Variants in SH3RF1 observed in about 807,000 individuals in gnomAD.
SH3RF1 encodes E3 ubiquitin-protein ligase SH3RF1.
SH3RF1 carries 32 observed loss-of-function variants against 74.0 expected under a neutral mutation model. That is an observed-to-expected ratio of 0.43 (90% CI 0.33 to 0.58). SH3RF1 has a LOEUF of 0.58. Among genes scored for constraint, SH3RF1 ranks in the 20% least tolerant of loss-of-function variants. The pLI is 0.05. For synonymous variants in SH3RF1, 396 were observed against 439.6 expected (o/e 0.90, Z 1.24); for missense variants, 954 against 1,130.9 (o/e 0.84, Z 2.24).
intron 4 of SH3RF1, among the ~76,000 whole-genome samples, chr4:169,142,615 A>G (rs954862296): frequency 1.3e-5 from 2 of 152,334 alleles, no homozygotes; most frequent in South Asian, 4.1e-4. Context: ...CATCATTTAA[A>G]TAACAGTCCA....
At chr4:169,227,097 T>C (rs920841912) in intron 2 of SH3RF1, among the ~76,000 whole-genome samples, 3 of 151,914 alleles carry the variant, frequency 2.0e-5, no homozygotes, top group Non-Finnish European at 2.9e-5. Context: ...GCCCAGGAGG[T>C]TGAGGCTTCA....
intron 2 of SH3RF1, among the ~76,000 whole-genome samples, chr4:169,172,037 A>T (rs1380420790): frequency 2.0e-5 from 3 of 152,258 alleles, no homozygotes; most frequent in African/African-American, 4.8e-5. Flanking sequence ...GACAATATCA[A>T]AATAACAATA....
intron 2 of SH3RF1, among the ~76,000 whole-genome samples, chr4:169,241,668 A>AG (rs1314966548): frequency 6.6e-6 from 1 of 152,360 alleles, no homozygotes; most frequent in Middle Eastern, 3.4e-3. Flanking sequence ...AGGACAATGT[A>AG]GCTATCTTTC....
intron 2 of SH3RF1, among the ~76,000 whole-genome samples, chr4:169,216,963 C>T (rs1279527219): frequency 7.9e-6 from 1 of 125,818 alleles, no homozygotes; most frequent in African/African-American, 3.0e-5. Flanking sequence ...CCAGCCTGAG[C>T]AACATGGCGA....
Position 169,106,901 on chromosome 4 carries a change from G to T in SH3RF1, c.2444C>A (p.Ala815Asp). 1.9e-6 allele frequency: 3 copies of T among 1,613,458 alleles called. No individual in the cohort carries two copies. The highest frequency in any genetic ancestry group is 2.5e-6 in the Non-Finnish European group (3 of 1,179,864). The stretch of plus-strand genomic sequence containing the variant: ...CAAGACAGGACCCAGGGAGGAACAG[G>T]CCTGGCGAGGAGGTGGAGCGATGGG... ...AVPIAPPPRQACSSLGPVLNE... is the reference protein window; with the variant it reads ...AVPIAPPPRQDCSSLGPVLNE... The change falls in exon 11 of 12, where the codon GCC (alanine) becomes GAC (aspartate). Residue 815 changes from alanine to aspartate, a missense_variant. Physicochemically the swap from Ala to Asp is moderately radical, Grantham distance 126. Around this residue, in one of 3 missense-constraint regions of SH3RF1, gnomAD observed 854 missense variants for 962.5 expected, o/e 0.89. Coordinates refer to ENST00000284637, the MANE Select transcript of SH3RF1 (RefSeq NM_020870.4).
At chr4:169,131,528 G>A (rs954083463) in intron 5 of SH3RF1, among the ~76,000 whole-genome samples, 6 of 152,106 alleles carry the variant, frequency 3.9e-5, no homozygotes, top group African/African-American at 1.2e-4. Context: ...TATTTCTAAC[G>A]GGAAGCACAC....
chr4:169,262,779 T>C (rs929343073), intron 2 of SH3RF1, among the ~76,000 whole-genome samples: 1 of 152,192 alleles, frequency 6.6e-6, no homozygotes, highest in Non-Finnish European at 1.5e-5. Flanking sequence ...CATTACTTTT[T>C]TAAAAAAATT....
chr4:169,207,252 C>T (rs185973783), intron 2 of SH3RF1, among the ~76,000 whole-genome samples: 51 of 152,208 alleles, frequency 3.4e-4, no homozygotes, highest in Admixed American at 2.1e-3. Flanking sequence ...GGCCAAAAGA[C>T]GCCACCTCTA....
At chr4:169,243,639 T>C (rs529780525) in intron 2 of SH3RF1, among the ~76,000 whole-genome samples, 2 of 152,264 alleles carry the variant, frequency 1.3e-5, no homozygotes, top group Admixed American at 6.5e-5. Flanking sequence ...ATTAGTTTTG[T>C]TATCTATATT....
intron 4 of SH3RF1, among the ~76,000 whole-genome samples, chr4:169,146,247 T>G (rs1045792172): frequency 6.9e-6 from 1 of 145,184 alleles, no homozygotes; most frequent in African/African-American, 2.5e-5. Context: ...TTTTTTTTTT[T>G]GAGACCAAGT....
intron 2 of SH3RF1, among the ~76,000 whole-genome samples, chr4:169,206,577 G>A (rs891274763): frequency 2.2e-4 from 34 of 152,140 alleles, no homozygotes; most frequent in Admixed American, 2.1e-3. Context: ...AATAAGTGAA[G>A]TCAAGAAACA....
chr4:169,163,643 C>T (rs1438930385), intron 2 of SH3RF1, among the ~76,000 whole-genome samples: 2 of 152,150 alleles, frequency 1.3e-5, no homozygotes, highest in African/African-American at 2.4e-5. Context: ...TCTTAAATCA[C>T]ATTAATGGTC....
chr4:169,116,580 C>T lies in SH3RF1; in HGVS notation c.1828G>A (p.Val610Ile), dbSNP rs140758406. 19 of 1,588,106 alleles carry T rather than the reference C, an allele frequency of 1.2e-5. No homozygotes were observed. In the African/African-American group the frequency reaches 2.4e-4, roughly 20 times the overall value. Residue 610 changes from valine to isoleucine, a missense_variant, in exon 10 of 12, where the codon GTA becomes ATA. Coordinates refer to ENST00000284637, the MANE Select transcript of SH3RF1 (RefSeq NM_020870.4). The part of the protein sequence containing the change: ...RPTAAVTPIQ[V>I]QNAAGLSPAS... The stretch of plus-strand genomic sequence containing the variant: ...GGGCTGAGGCCGGCGGCATTCTGTA[C>T]CTGGATGGGTGTCACTGCTGCCGTG...
At chr4:169,114,027 C>A (rs1011404595) in intron 10 of SH3RF1, among the ~76,000 whole-genome samples, 2 of 152,156 alleles carry the variant, frequency 1.3e-5, no homozygotes, top group African/African-American at 4.8e-5. Context: ...GGCTAGGGCA[C>A]TGCTTGGTCA....
At chr4:169,134,925 A>G (rs755943321) in intron 5 of SH3RF1, among the ~76,000 whole-genome samples, 5 of 152,182 alleles carry the variant, frequency 3.3e-5, no homozygotes, top group Non-Finnish European at 7.3e-5. Context: ...TTATTTCTCA[A>G]TAAGAGTTTC....
intron 10 of SH3RF1, among the ~76,000 whole-genome samples, chr4:169,110,920 A>G (rs1441310368): frequency 6.6e-6 from 1 of 152,190 alleles, no homozygotes; most frequent in African/African-American, 2.4e-5. Flanking sequence ...ACTTGGGTCG[A>G]TACCAGCATC....
chr4:169,122,711 C>T (rs916780261), intron 6 of SH3RF1, among the ~76,000 whole-genome samples: 8 of 152,172 alleles, frequency 5.3e-5, no homozygotes, highest in African/African-American at 1.7e-4. Context: ...TGTACTATAT[C>T]TCAAATCATT....
chr4:169,214,190 A>T (rs989023816), intron 2 of SH3RF1, among the ~76,000 whole-genome samples: 5 of 152,070 alleles, frequency 3.3e-5, no homozygotes, highest in Non-Finnish European at 7.4e-5. Context: ...ATAATGAGTG[A>T]GCTCTCACGA....
intron 2 of SH3RF1, among the ~76,000 whole-genome samples, chr4:169,249,807 T>C (rs1033688092): frequency 1.3e-5 from 2 of 152,142 alleles, no homozygotes; most frequent in African/African-American, 4.8e-5. Flanking sequence ...TGTTTATGAG[T>C]GACTTATAAA....
Sources: allele counts gnomAD v4.1 joint callset (sites outside exome capture counted in the v4.1 genomes callset), GRCh38; gene constraint gnomAD v4.1.1; regional missense constraint gnomAD v4.1.1; transcripts MANE v1.5; gene names NCBI Gene and HGNC (gene_info 2026-07-23, HGNC 2026-07-21).